The following GPR35 variants were observed in gnomAD, a reference collection of about 807,000 sequenced individuals.
The protein encoded by GPR35 is KYNA receptor.
For missense variants in GPR35, 372 were observed against 422.5 expected (o/e 0.88, Z 1.05); for synonymous variants, 207 against 198.4 (o/e 1.04, Z -0.36).
chr2:240,625,490 G>C lies in GPR35; in HGVS notation c.-83G>C. On this transcript the variant is annotated 5_prime_UTR_variant, in exon 1 of 2. Coordinates refer to ENST00000407714, the MANE Select transcript of GPR35 (RefSeq NM_005301.5). ...GCTCACCCCAGCTTCACTTCCCCCAGCCCTTCTCAGACAGCCACTGTGCAG... is the reference window on the plus strand; with the variant it reads ...GCTCACCCCAGCTTCACTTCCCCCACCCCTTCTCAGACAGCCACTGTGCAG... 1 of 985,854 alleles carries C rather than the reference G, an allele frequency of 1.0e-6. No homozygotes were observed. Among genetic ancestry groups the C allele is most frequent in the Non-Finnish European group, 1.2e-6 (1 of 830,258 alleles). 61.1% of individuals were successfully genotyped at this position (985,854 alleles called of 1,614,324 possible).
rs761849391 is a variant in GPR35, at chr2:240,630,561, C to T, written c.609C>T (p.Pro203=). 3.1e-6 allele frequency: 5 copies of T among 1,612,750 alleles called. No individual in the cohort carries two copies. The East Asian group carries it at 1.1e-4, about 36-fold the overall frequency. Residue 203 remains proline, a synonymous_variant, in exon 2 of 2, where the codon CCC becomes CCT. Coordinates refer to ENST00000407714, the MANE Select transcript of GPR35 (RefSeq NM_005301.5). ...KVVTALAQRP[P]TDVGQAEATR... is the part of the protein sequence containing the mutation. ...TGACTGCCCTGGCCCAGAGGCCACCCACCGACGTGGGGCAGGCAGAGGCCA... is the reference window on the plus strand; with the variant it reads ...TGACTGCCCTGGCCCAGAGGCCACCTACCGACGTGGGGCAGGCAGAGGCCA...
chr2:240,631,686 G>T lies in GPR35; in HGVS notation c.*804G>T, dbSNP rs1269031901. Reference sequence around the variant, plus strand: ...CATGTCTGGCAGGGGCAGGGGTTGGGTGCCCACTCAGGTAAAGGCACGATG... The same window carrying T: ...CATGTCTGGCAGGGGCAGGGGTTGGTTGCCCACTCAGGTAAAGGCACGATG... On this transcript the variant is annotated 3_prime_UTR_variant, in exon 2 of 2. Coordinates refer to ENST00000407714, the MANE Select transcript of GPR35 (RefSeq NM_005301.5). Among the ~76,000 whole-genome samples the T allele has an allele frequency of 1.3e-5, 2 of 152,182 alleles. No homozygotes were observed. The highest frequency in any genetic ancestry group is 4.8e-5 in the African/African-American group (2 of 41,442).
At chr2:240,622,419 C>T (rs2043306153), upstream of GPR35, among the ~76,000 whole-genome samples, 1 of 152,202 alleles carries the variant, frequency 6.6e-6, no homozygotes, top group Admixed American at 6.5e-5. Flanking sequence ...TCACAGACTT[C>T]CCTTCAAAGC....
chr2:240,623,386 C>CGCAAACAGATCGTGAGGGT (rs2043325893), upstream of GPR35, among the ~76,000 whole-genome samples: 3 of 60,728 alleles, frequency 4.9e-5, no homozygotes, highest in Non-Finnish European at 4.0e-5. Context: ...GTCGTGAGGG[C>CGCAAACAGATCGTGAGGGT]GCAAACAGGT....
intron 2 of GPR35, among the ~76,000 whole-genome samples, chr2:240,610,426 T>C (rs951201715): frequency 3.3e-5 from 5 of 152,216 alleles, no homozygotes; most frequent in African/African-American, 1.2e-4. Context: ...ATATTTAAAG[T>C]ATATATCATA....
At chr2:240,610,640 T>C (rs2043174149) in intron 2 of GPR35, among the ~76,000 whole-genome samples, 1 of 151,930 alleles carries the variant, frequency 6.6e-6, no homozygotes, top group South Asian at 2.1e-4. Flanking sequence ...TTTTAACTTT[T>C]TTTTTTCTTT....
intron 5 of GPR35, among the ~76,000 whole-genome samples, chr2:240,619,853 G>A (rs1454076720): frequency 2.0e-5 from 3 of 152,218 alleles, no homozygotes; most frequent in African/African-American, 7.2e-5. Flanking sequence ...GTGGCACTTA[G>A]GAGTGAGGAT....
chr2:240,632,699 C>G lies in GPR35; in HGVS notation c.*1817C>G, dbSNP rs2043463173. 6.8e-6 allele frequency among the ~76,000 whole-genome samples: 1 copy of G among 146,404 alleles called. No individual in the cohort carries two copies. Among genetic ancestry groups the G allele is most frequent in the South Asian group, 2.2e-4 (1 of 4,532 alleles). The stretch of plus-strand genomic sequence containing the variant: ...CCAGTAAGGGCCATGCCCATGAGAT[C>G]CTCATGCCCAGGAAGGCCCATGCCC... On this transcript the variant is annotated 3_prime_UTR_variant, in exon 2 of 2. Transcript: ENST00000407714.
chr2:240,628,762 C>A (rs1232159174), intron 1 of GPR35: 1 of 152,252 alleles, frequency 6.6e-6, no homozygotes, highest in East Asian at 1.9e-4. Flanking sequence ...CCATACCAGC[C>A]CAGCAGGAAG....
At chr2:240,621,392 C>G (rs886890720), upstream of GPR35, among the ~76,000 whole-genome samples, 3 of 152,050 alleles carry the variant, frequency 2.0e-5, no homozygotes, top group African/African-American at 7.2e-5. Context: ...GTAGCTGGGA[C>G]TACAGGCACG....
chr2:240,619,671 G>T (rs750768858), intron 5 of GPR35, among the ~76,000 whole-genome samples: 58 of 152,226 alleles, frequency 3.8e-4, no homozygotes, highest in Admixed American at 7.2e-4. Flanking sequence ...TTATGGTTCA[G>T]TTTAGGGCGG....
At chr2:240,622,275 T>C (rs2043304394), upstream of GPR35, among the ~76,000 whole-genome samples, 1 of 152,234 alleles carries the variant, frequency 6.6e-6, no homozygotes, top group Non-Finnish European at 1.5e-5. Flanking sequence ...CGTCACTGGC[T>C]GCTGCTTTAG....
intron 1 of GPR35, among the ~76,000 whole-genome samples, chr2:240,625,973 A>ACG (rs2043369722): frequency 1.5e-5 from 1 of 67,630 alleles, no homozygotes. Flanking sequence ...TGAGGCTGTG[A>ACG]TGGGTTCTCA....
At chr2:240,616,269 C>T (rs1325923389) in intron 2 of GPR35, 2 of 636,254 alleles carry the variant, frequency 3.1e-6, no homozygotes, top group Non-Finnish European at 5.6e-6. Flanking sequence ...GGCTCGTGGT[C>T]CCAACCTCGA....
intron 1 of GPR35, among the ~76,000 whole-genome samples, chr2:240,605,806 G>A (rs2043126699): frequency 6.6e-6 from 1 of 152,220 alleles, no homozygotes; most frequent in African/African-American, 2.4e-5. Context: ...CCAGACTTAA[G>A]CTAGTTTTGC....
chr2:240,620,162 C>T (rs1417934341), intron 5 of GPR35, among the ~76,000 whole-genome samples: 3 of 152,052 alleles, frequency 2.0e-5, no homozygotes, highest in African/African-American at 4.8e-5. Flanking sequence ...GGGACCCCAG[C>T]GGGGCATCTG....
intron 2 of GPR35, among the ~76,000 whole-genome samples, chr2:240,613,507 C>A (rs1037445775): frequency 2.6e-5 from 4 of 152,034 alleles, no homozygotes; most frequent in African/African-American, 4.8e-5. Flanking sequence ...GGAACCCTAA[C>A]CTGAACCCAA....
Position 240,630,342 on chromosome 2 carries a change from C to T in GPR35, c.390C>T (p.Pro130=). 1.2e-6 allele frequency: 2 copies of T among 1,600,322 alleles called. No homozygotes were observed. The highest frequency in any genetic ancestry group is 1.7e-6 in the Non-Finnish European group (2 of 1,176,214). ...HPLRARGLRS[P]RQAAAVCAVL... is the part of the protein sequence containing the mutation. The stretch of plus-strand genomic sequence containing the variant: ...TGCGTGCCCGCGGGCTGCGGTCCCC[C>T]AGGCAGGCTGCGGCCGTGTGCGCGG... Residue 130 remains proline (P), a synonymous_variant, in exon 2 of 2, where the codon CCC becomes CCT. Transcript: ENST00000407714.
At chr2:240,613,381 G>A (rs73999948) in intron 2 of GPR35, among the ~76,000 whole-genome samples, 584 of 152,248 alleles carry the variant, frequency 3.8e-3, no homozygotes, top group African/African-American at 0.014. Flanking sequence ...TGGACAAGGA[G>A]TGAAGAATCT....
Sources: allele counts gnomAD v4.1 joint callset (sites outside exome capture counted in the v4.1 genomes callset), GRCh38; gene constraint gnomAD v4.1.1; transcripts MANE v1.5; gene names NCBI Gene and HGNC (gene_info 2026-07-23, HGNC 2026-07-21).